Variants in ZNF451 observed in about 807,000 individuals in gnomAD.
The protein encoded by ZNF451 is E3 SUMO-protein ligase ZNF451.
ZNF451 carries 80 observed loss-of-function variants against 107.1 expected under a neutral mutation model. That is an observed-to-expected ratio of 0.75 (90% CI 0.62 to 0.90). The LOEUF is 0.90. ZNF451 is among the 40% of genes least tolerant of loss of function. ZNF451 has a pLI of 0.00. For missense variants in ZNF451, 1,107 were observed against 1,236.2 expected (o/e 0.90, Z 1.57); for synonymous variants, 362 against 406.5 (o/e 0.89, Z 1.32).
chr6:57,100,142 ACT>A (rs1829524285), intron 3 of ZNF451, among the ~76,000 whole-genome samples: 1 of 149,210 alleles, frequency 6.7e-6, no homozygotes, highest in Non-Finnish European at 1.5e-5. Context: ...GCCTAAAATG[ACT>A]CTAATGGGGG....
At chr6:57,167,330 C>T (rs182614183) in intron 14 of ZNF451, among the ~76,000 whole-genome samples, 45 of 152,204 alleles carry the variant, frequency 3.0e-4, no homozygotes, top group Middle Eastern at 3.4e-3. Flanking sequence ...CTATGCTGTT[C>T]CTTTGGTCTA....
intron 11 of ZNF451, 96 bp from the exon 12 acceptor site, chr6:57,152,125 G>C (rs1832379058): frequency 2.3e-6 from 3 of 1,308,546 alleles, no homozygotes; most frequent in Non-Finnish European, 3.1e-6. Flanking sequence ...TTTGCCTCTA[G>C]AAAAATTTTT....
intron 2 of ZNF451, among the ~76,000 whole-genome samples, chr6:57,096,106 G>C (rs989371903): frequency 6.6e-6 from 1 of 151,262 alleles, no homozygotes; most frequent in African/African-American, 2.4e-5. Context: ...TTACAGGCAT[G>C]AGCCATCCTG....
In ZNF451 at chr6:57,090,199, C is replaced by T. The variant is rs1828989016; in HGVS notation, c.-55C>T. The T allele has an allele frequency of 6.3e-7, 1 of 1,580,292 alleles. No homozygotes were observed. The highest frequency in any genetic ancestry group is 2.3e-5 in the East Asian group (1 of 43,392). On this transcript the variant is annotated 5_prime_UTR_variant, in exon 1 of 15. In the 5' UTR this introduces an upstream ATG that the reference lacks. Transcript: ENST00000370706. ...AGGGCGGGAAGGGGATTCGTGGCGACGGCGGCGGCAGGGACAGCAGGAGCA... is the reference window on the plus strand; with the variant it reads ...AGGGCGGGAAGGGGATTCGTGGCGATGGCGGCGGCAGGGACAGCAGGAGCA...
At chr6:57,106,023 A>C (rs186783755) in intron 3 of ZNF451, 1 of 981,838 alleles carries the variant, frequency 1.0e-6, no homozygotes, top group Admixed American at 6.2e-5. Flanking sequence ...AGTATTCTAT[A>C]TTAGTACTAC....
chr6:57,147,866 AT>A lies in ZNF451; in HGVS notation c.1782del (p.His595IlefsTer27). 2 of 1,614,150 alleles carry A rather than the reference AT, an allele frequency of 1.2e-6. No homozygotes were observed. The highest frequency in any genetic ancestry group is 1.7e-6 in the Non-Finnish European group (2 of 1,179,990). On this transcript the variant is annotated frameshift_variant, in exon 10 of 15. Coordinates refer to ENST00000370706, the MANE Select transcript of ZNF451 (RefSeq NM_001031623.3). LOFTEE classifies it high-confidence loss of function. ...NKPSSAITVI[D>X]HSPANSSPRG... ...CCTTCATCAGCTATTACTGTTATTG[AT>A]CATTCCCCGGCAAATAGTTCTCCGA... is the stretch of plus-strand genomic sequence containing the variant.
Position 57,162,193 on chromosome 6 carries a change from A to G in ZNF451, c.3139+1041A>G, listed in dbSNP as rs1177769064. Reference sequence around the variant, plus strand: ...TGTTTATTGTTGGAGATTATAGGGTAGGAATGTGGAGGCTGGAAAGTAGGG... The same window carrying G: ...TGTTTATTGTTGGAGATTATAGGGTGGGAATGTGGAGGCTGGAAAGTAGGG... On this transcript the variant is annotated intron_variant, in intron 14 of 14. Coordinates refer to ENST00000370706, the MANE Select transcript of ZNF451 (RefSeq NM_001031623.3). Among the ~76,000 whole-genome samples, 5 of 152,212 alleles carry G rather than the reference A, an allele frequency of 3.3e-5. No homozygotes were observed. The East Asian group carries it at 7.7e-4, about 23-fold the overall frequency.
chr6:57,098,998 T>G, intron 2 of ZNF451, 63 bp from the exon 3 acceptor site: 1 of 1,360,670 alleles, frequency 7.3e-7, no homozygotes, highest in Non-Finnish European at 1.0e-6. Context: ...ACACTGTAGG[T>G]TTAAATGCTA....
At chr6:57,165,365 A>T (rs1763850713) in intron 14 of ZNF451, 1 of 151,992 alleles carries the variant, frequency 6.6e-6, no homozygotes, top group South Asian at 2.1e-4. Context: ...ATGTTAGTTC[A>T]CTTGATGATG....
chr6:57,124,820 G>C lies in ZNF451; in HGVS notation c.273G>C (p.Val91=). The change falls in exon 4 of 15, where the codon GTG becomes GTC. Residue 91 remains valine (V), a synonymous_variant. Coordinates refer to ENST00000370706, the MANE Select transcript of ZNF451 (RefSeq NM_001031623.3). ...CTCGTCTAGCCCGCCATGTTGAAGT[G>C]GAGAAACAGCAGAAAGAAGAGAAGA... ...TLARLARHVE[V]EKQQKEEKNR... 1 of 1,611,070 alleles carries C rather than the reference G, an allele frequency of 6.2e-7. No homozygotes were observed.
At chr6:57,158,072 T>C (rs1209987876) in intron 13 of ZNF451, among the ~76,000 whole-genome samples, 1 of 152,188 alleles carries the variant, frequency 6.6e-6, no homozygotes, top group African/African-American at 2.4e-5. Context: ...ATTTTATAAG[T>C]GTGGAAGGAA....
chr6:57,142,073 A>G lies in ZNF451; in HGVS notation c.982A>G (p.Met328Val), dbSNP rs1593148805. 6 of 1,613,186 alleles carry G rather than the reference A, an allele frequency of 3.7e-6. No individual in the cohort carries two copies. Among genetic ancestry groups the G allele is most frequent in the Non-Finnish European group, 5.1e-6 (6 of 1,179,242 alleles). The change falls in exon 9 of 15, where the codon ATG (methionine) becomes GTG (valine). Residue 328 changes from methionine to valine, a missense_variant. Physicochemically the swap from Met to Val is conservative, Grantham distance 21. This residue lies in a region of ZNF451 where 339 missense variants were observed against 372.8 expected (regional missense o/e 0.91). Transcript: ENST00000370706. ...VACHKTLRSH[M>V]ELTAHFRVHC... ...CTGCCACAAGACACTGCGTTCCCAC[A>G]TGGAGCTCACTGCCCATTTCAGGTT...
chr6:57,093,603 T>C (rs1829152804), intron 2 of ZNF451, among the ~76,000 whole-genome samples: 1 of 152,126 alleles, frequency 6.6e-6, no homozygotes, highest in Non-Finnish European at 1.5e-5. Flanking sequence ...TCCTTAGAGG[T>C]AGTAGAAAGT....
At chr6:57,107,604 G>A (rs1417885664) in intron 3 of ZNF451, 8 of 985,124 alleles carry the variant, frequency 8.1e-6, no homozygotes, top group Non-Finnish European at 9.6e-6. Context: ...ATACAGCTCT[G>A]ATATATCTTA....
rs183998192 is a variant in ZNF451 at position 57,132,351 on chromosome 6, T to C, written c.425-691T>C. ...GTTACATTGTGTAATATAATTTTCA[T>C]AGAGCTCAGACCCTCTATAATATAG... On this transcript the variant is annotated intron_variant, in intron 5 of 14. Transcript: ENST00000370706. Among the ~76,000 whole-genome samples, 4 of 152,334 alleles carry C rather than the reference T, an allele frequency of 2.6e-5. No individual in the cohort carries two copies. The East Asian group carries it at 5.8e-4, about 22-fold the overall frequency.
chr6:57,155,342 T>C (rs1021600900), intron 13 of ZNF451, among the ~76,000 whole-genome samples: 2 of 152,202 alleles, frequency 1.3e-5, no homozygotes, highest in South Asian at 4.1e-4. Context: ...AAAAATTAGC[T>C]GGGCATGGTG....
intron 3 of ZNF451, among the ~76,000 whole-genome samples, chr6:57,121,905 G>C (rs191253042): frequency 1.6e-4 from 25 of 152,206 alleles, no homozygotes; most frequent in Non-Finnish European, 3.4e-4. Flanking sequence ...TAACCAAAAA[G>C]CCTGAATAGT....
intron 14 of ZNF451, among the ~76,000 whole-genome samples, chr6:57,163,730 G>A (rs537227474): frequency 7.6e-4 from 116 of 151,886 alleles, no homozygotes; most frequent in Non-Finnish European, 1.2e-3. Context: ...GATTACAGGC[G>A]TGAGCCACCG....
chr6:57,163,617 A>C (rs1392443396), intron 14 of ZNF451, among the ~76,000 whole-genome samples: 3 of 149,344 alleles, frequency 2.0e-5, no homozygotes, highest in Non-Finnish European at 4.5e-5. Context: ...CGCCCGGCTA[A>C]TTTTTTGTAT....
Sources: allele counts gnomAD v4.1 joint callset (sites outside exome capture counted in the v4.1 genomes callset), GRCh38; gene constraint gnomAD v4.1.1; regional missense constraint gnomAD v4.1.1; transcripts MANE v1.5; gene names NCBI Gene and HGNC (gene_info 2026-07-23, HGNC 2026-07-21).